NIPBL: variants seen among roughly 807,000 people sequenced by gnomAD.
NIPBL encodes the protein NIPBL cohesin loading factor, also known as nipped-B-like protein.
NIPBL carries 19 observed loss-of-function variants against 321.8 expected under a neutral mutation model. The observed-to-expected ratio is 0.06, with a 90% CI of 0.04 to 0.09. NIPBL has a LOEUF of 0.09. Among genes scored for constraint, NIPBL ranks in the 10% least tolerant of loss-of-function variants. The pLI is 1.00. For missense variants in NIPBL, 2,210 were observed against 3,327.0 expected (o/e 0.66, Z 8.26); for synonymous variants, 1,106 against 1,114.1 (o/e 0.99, Z 0.14).
chr5:36,900,977 G>GT (rs1747161824), intron 1 of NIPBL, among the ~76,000 whole-genome samples: 1 of 151,948 alleles, frequency 6.6e-6, no homozygotes, highest in Admixed American at 6.6e-5. Flanking sequence ...ATTCCAGGGG[G>GT]TACATGTGCA....
rs559234480 is a variant in NIPBL at position 36,933,313 on chromosome 5, A to G, written c.-79-20305A>G. 7.2e-5 allele frequency among the ~76,000 whole-genome samples: 11 copies of G among 152,168 alleles called. No homozygotes were observed. In the South Asian group the frequency reaches 2.1e-3, roughly 29 times the overall value. ...TACATAGTAGAATGGTATTTTTCCA[A>G]TTTGAACTCTTAATTTTAAATTTTC... On this transcript the variant is annotated intron_variant, in intron 1 of 46. Coordinates refer to ENST00000282516, the MANE Select transcript of NIPBL (RefSeq NM_133433.4).
rs776315178 is a variant in NIPBL at position 36,953,676 on chromosome 5, A to G, written c.-21A>G. Reference sequence around the variant, plus strand: ...CCTGAACTAAGTACTTTTATAGGCAACACCATTCCAGAAATTCAGGATGAA... The same window carrying G: ...CCTGAACTAAGTACTTTTATAGGCAGCACCATTCCAGAAATTCAGGATGAA... On this transcript the variant is annotated 5_prime_UTR_variant, in exon 2 of 47. Coordinates refer to ENST00000282516, the MANE Select transcript of NIPBL (RefSeq NM_133433.4). The G allele has an allele frequency of 2.5e-5, 41 of 1,611,332 alleles. No individual in the cohort carries two copies. Among genetic ancestry groups the G allele is most frequent in the Admixed American group, 5.0e-5 (3 of 59,998 alleles).
chr5:36,975,704 T>A, intron 8 of NIPBL, 72 bp from the exon 9 acceptor site: 1 of 1,380,846 alleles, frequency 7.2e-7, no homozygotes, highest in Non-Finnish European at 1.0e-6. Context: ...TGTCACTTAT[T>A]AATATTTCTA....
Position 36,996,075 on chromosome 5 carries a change from A to G in NIPBL, c.3304+271A>G, listed in dbSNP as rs1746114329. On this transcript the variant is annotated intron_variant, in intron 11 of 46. Coordinates refer to ENST00000282516, the MANE Select transcript of NIPBL (RefSeq NM_133433.4). This position sits in a 1 kb window ranked among gnomAD's most constrained non-coding sequence, Gnocchi z 5.0. ...TTCAGCAAACATTTATTGAGCTCCT[A>G]TTATATGCTAGACACTGAGAGTAAA... is the stretch of plus-strand genomic sequence containing the variant. 6.6e-6 allele frequency among the ~76,000 whole-genome samples: 1 copy of G among 152,334 alleles called. No homozygotes were observed. Among genetic ancestry groups the G allele is most frequent in the African/African-American group, 2.4e-5 (1 of 41,576 alleles).
chr5:36,961,197 C>A (rs1471874202), intron 4 of NIPBL, among the ~76,000 whole-genome samples: 2 of 152,044 alleles, frequency 1.3e-5, no homozygotes, highest in African/African-American at 4.8e-5. Context: ...TTAAAAAAAT[C>A]TTTTCAATTC....
Position 37,051,770 on chromosome 5 carries a change from T to A in NIPBL, c.6955-9T>A. ...CATGATATCTCGTAATTTTTTTTTT[T>A]ATTTCCAGTGTGTGCCATATTTAAT... On this transcript the variant is annotated splice_polypyrimidine_tract_variant and intron_variant, in intron 40 of 46. Transcript: ENST00000282516. 1 of 1,599,288 alleles carries A rather than the reference T, an allele frequency of 6.3e-7. No individual in the cohort carries two copies. Among genetic ancestry groups the A allele is most frequent in the Non-Finnish European group, 8.6e-7 (1 of 1,166,616 alleles).
At chr5:36,970,023 ACATC>A (rs1742677941) in intron 6 of NIPBL, among the ~76,000 whole-genome samples, 1 of 152,184 alleles carries the variant, frequency 6.6e-6, no homozygotes, top group Non-Finnish European at 1.5e-5. Context: ...AGCGATTTGA[ACATC>A]CACATAAGAA....
At chr5:37,041,557 G>A (rs1752376755) in intron 34 of NIPBL, among the ~76,000 whole-genome samples, 2 of 151,128 alleles carry the variant, frequency 1.3e-5, no homozygotes, top group Admixed American at 1.3e-4. Flanking sequence ...GAGCCACTGT[G>A]CCCGGCCTAT....
intron 4 of NIPBL, among the ~76,000 whole-genome samples, chr5:36,960,708 CAT>C: frequency 6.6e-6 from 1 of 152,176 alleles, no homozygotes; most frequent in South Asian, 2.1e-4. Flanking sequence ...CTATAGAAAT[CAT>C]AAGAAAATTC....
intron 1 of NIPBL, among the ~76,000 whole-genome samples, chr5:36,880,735 G>A (rs1745439297): frequency 1.3e-5 from 2 of 151,906 alleles, no homozygotes; most frequent in South Asian, 4.1e-4. Context: ...AAAGTTTTTC[G>A]TTTTTTCAGC....
At chr5:36,923,919 C>G (rs535304904) in intron 1 of NIPBL, among the ~76,000 whole-genome samples, 2 of 152,100 alleles carry the variant, frequency 1.3e-5, no homozygotes, top group African/African-American at 4.8e-5. Context: ...GAATGAATTC[C>G]TGTTTTAAAG....
chr5:36,968,031 G>A (rs1252807696), intron 6 of NIPBL, among the ~76,000 whole-genome samples: 2 of 149,020 alleles, frequency 1.3e-5, no homozygotes, highest in African/African-American at 5.0e-5. Context: ...GGGAGGCAGA[G>A]GTTGCAGTGA....
At chr5:37,004,386 T>G (rs1207694453) in intron 16 of NIPBL, among the ~76,000 whole-genome samples, 2 of 151,912 alleles carry the variant, frequency 1.3e-5, no homozygotes, top group African/African-American at 4.8e-5. Context: ...GTTGATAAAT[T>G]TTCTTTCTCT....
In NIPBL at chr5:36,922,958, T is replaced by C. The variant is rs1263599404; in HGVS notation, c.-79-30660T>C. On this transcript the variant is annotated intron_variant, in intron 1 of 46. Coordinates refer to ENST00000282516, the MANE Select transcript of NIPBL (RefSeq NM_133433.4). ...GTAAACAAAGTTAAAGAAAAATACA[T>C]TTGAAAGAAAAGATTTGTTGTAACT... 3.9e-5 allele frequency among the ~76,000 whole-genome samples: 6 copies of C among 152,196 alleles called. No individual in the cohort carries two copies. The South Asian group carries it at 8.3e-4, about 21-fold the overall frequency.
chr5:37,008,820 A>G (rs1554022148), intron 20 of NIPBL, 97 bp downstream of exon 20: 2 of 768,492 alleles, frequency 2.6e-6, no homozygotes, highest in South Asian at 1.5e-5. Context: ...TTATATTTTA[A>G]TAATTAAAAA....
chr5:37,021,331 C>T (rs1264207848), intron 27 of NIPBL, among the ~76,000 whole-genome samples: 1 of 151,500 alleles, frequency 6.6e-6, no homozygotes, highest in African/African-American at 2.4e-5. Flanking sequence ...GTTCTACATC[C>T]CTTTTACATA....
intron 22 of NIPBL, 77 bp downstream of exon 22, chr5:37,014,842 C>G (rs778724425): frequency 2.4e-5 from 21 of 870,090 alleles, no homozygotes; most frequent in Non-Finnish European, 3.7e-5. Context: ...AAAGATGAAT[C>G]CAATTTCCTG....
chr5:37,061,212 A>G (rs1754630093), intron 45 of NIPBL, among the ~76,000 whole-genome samples, 194 bp downstream of exon 45: 1 of 152,148 alleles, frequency 6.6e-6, no homozygotes, highest in Admixed American at 6.5e-5. Flanking sequence ...TGGCATCCTA[A>G]TTATTTTTTC....
chr5:37,059,189 G>GA (rs1318234343), intron 44 of NIPBL, 24 bp downstream of exon 44: 2 of 1,612,124 alleles, frequency 1.2e-6, no homozygotes, highest in South Asian at 1.1e-5. Flanking sequence ...AGCAGTGAGA[G>GA]AAAAAACTTC....
Sources: allele counts gnomAD v4.1 joint callset (sites outside exome capture counted in the v4.1 genomes callset), GRCh38; gene constraint gnomAD v4.1.1; non-coding constraint Gnocchi (gnomAD v3.1); transcripts MANE v1.5; gene names NCBI Gene and HGNC (gene_info 2026-07-23, HGNC 2026-07-21).